TRIM65: variants seen among roughly 807,000 people sequenced by gnomAD.
The protein encoded by TRIM65 is tripartite motif containing 65.
Under a neutral mutation model 36.1 loss-of-function variants are expected in TRIM65, and 46 were observed. That is an observed-to-expected ratio of 1.27 (90% CI 1.01 to 1.63). TRIM65 has a LOEUF of 1.63. Ranked by LOEUF, TRIM65 falls within the 40% of genes most tolerant of loss-of-function variation. TRIM65 has a pLI of 0.00. For synonymous variants in TRIM65, 346 were observed against 313.6 expected (o/e 1.10, Z -1.09); for missense variants, 708 against 696.6 (o/e 1.02, Z -0.18).
In TRIM65 at chr17:75,889,889, C is replaced by T. The variant is rs963101228; in HGVS notation, c.*890G>A. ...AATCCCATGAGCCCATGACCGCACCCCTGCACACCAGCCTGGGTGACAGAT... is the reference window on the plus strand; with the variant it reads ...AATCCCATGAGCCCATGACCGCACCTCTGCACACCAGCCTGGGTGACAGAT... On this transcript the variant is annotated 3_prime_UTR_variant, in exon 6 of 6. Coordinates refer to ENST00000269383, the MANE Select transcript of TRIM65 (RefSeq NM_173547.4). The T allele has an allele frequency of 2.0e-5, 3 of 152,004 alleles. No homozygotes were observed. The highest frequency in any genetic ancestry group is 4.4e-5 in the Non-Finnish European group (3 of 68,002). The allele number at this position is 152,004 out of a possible 1,614,324, so 9.4% of individuals were successfully genotyped here.
At position 75,890,725 on chromosome 17, in the gene TRIM65, C is replaced by A. The variant is rs1215589492; in HGVS notation, c.*54G>T. ...GTCCCCAAGCTGAAGCTGGGCAGCT[C>A]TTGGGCACATAGGCATGGTGGCAGC... On this transcript the variant is annotated 3_prime_UTR_variant, in exon 6 of 6. Transcript: ENST00000269383. 1.4e-6 allele frequency: 2 copies of A among 1,404,358 alleles called. No individual in the cohort carries two copies. Among genetic ancestry groups the A allele is most frequent in the Non-Finnish European group, 1.9e-6 (2 of 1,071,056 alleles). 87.0% of individuals were successfully genotyped at this position (1,404,358 alleles called of 1,614,324 possible).
In TRIM65 at chr17:75,890,918, T is replaced by A; in HGVS notation, c.1415A>T (p.Gln472Leu). 6.4e-7 allele frequency: 1 copy of A among 1,550,628 alleles called. No homozygotes were observed. Among genetic ancestry groups the A allele is most frequent in the South Asian group, 1.2e-5 (1 of 84,218 alleles). ...LTFYSLEPQTQPLYTFHALFN... is the reference protein window; with the variant it reads ...LTFYSLEPQTLPLYTFHALFN... ...GAGGGCATGGAAGGTGTACAGGGGC[T>A]GGGTCTGGGGCTCCAGGCTGTAGAA... The change falls in exon 6 of 6, where the codon CAG becomes CTG. Residue 472 changes from glutamine (Q) to leucine (L), a missense_variant. Coordinates refer to ENST00000269383, the MANE Select transcript of TRIM65 (RefSeq NM_173547.4).
chr17:75,888,233 A>C (rs2065224872), downstream of TRIM65, among the ~76,000 whole-genome samples: 1 of 149,786 alleles, frequency 6.7e-6, no homozygotes, highest in Admixed American at 6.6e-5. Flanking sequence ...TGCGCTTATA[A>C]TCCCAGCTAC....
Position 75,891,117 on chromosome 17 carries a change from G to A in TRIM65, c.1216C>T (p.Arg406Trp), listed in dbSNP as rs768060506. 1.4e-5 allele frequency: 23 copies of A among 1,608,956 alleles called. No individual in the cohort carries two copies. The highest frequency in any genetic ancestry group is 5.3e-5 in the African/African-American group (4 of 74,928). Reference sequence around the variant, plus strand: ...TCTGTGTGGGGCCCCAGCCTGCACCGTGGCAGTTGCGGGTAGGAGACGCCC... The same window carrying A: ...TCTGTGTGGGGCCCCAGCCTGCACCATGGCAGTTGCGGGTAGGAGACGCCC... ...TLGVSYPQLP[R>W]CRLGPHTDNI... is the part of the protein sequence containing the mutation. The change falls in exon 6 of 6, where the codon CGG becomes TGG. Residue 406 changes from arginine (R) to tryptophan (W), a missense_variant. Arg to Trp is a moderately radical substitution (Grantham distance 101). Transcript: ENST00000269383.
At chr17:75,883,674 C>T (rs894391689) in intron 4 of TRIM65, among the ~76,000 whole-genome samples, 31 of 151,436 alleles carry the variant, frequency 2.0e-4, no homozygotes, top group Non-Finnish European at 2.8e-4. Context: ...ACTACAGGTG[C>T]CTGCCACCAC....
Position 75,891,077 on chromosome 17 carries a change from C to T in TRIM65, c.1256G>A (p.Gly419Glu), listed in dbSNP as rs2065258168. The T allele has an allele frequency of 1.2e-6, 2 of 1,611,468 alleles. No homozygotes were observed. The highest frequency in any genetic ancestry group is 3.3e-5 in the Admixed American group (2 of 59,992). ...LGPHTDNIGR[G>E]PCSWGLCVQE... is the part of the protein sequence containing the mutation. ...GACGCAGAGCCCCCAGGAGCAGGGT[C>T]CCCGGCCAATGTTGTCTGTGTGGGG... is the stretch of plus-strand genomic sequence containing the variant. The change falls in exon 6 of 6, where the codon GGA becomes GAA. Residue 419 changes from glycine (G) to glutamate (E), a missense_variant. Transcript: ENST00000269383.
rs748168959 is a variant in TRIM65, at chr17:75,892,335, C to T, written c.676G>A (p.Ala226Thr). The change falls in exon 3 of 6, where the codon GCT becomes ACT. Residue 226 changes from alanine (A) to threonine (T), a missense_variant. Coordinates refer to ENST00000269383, the MANE Select transcript of TRIM65 (RefSeq NM_173547.4). ...EEQRLRVHLEAVARHGCRIRE... is the reference protein window; with the variant it reads ...EEQRLRVHLETVARHGCRIRE... The stretch of plus-strand genomic sequence containing the variant: ...ATCCTGCAGCCATGGCGAGCCACAG[C>T]CTCCAAATGGACCCGCAGCCGCTGC... 1.2e-6 allele frequency: 2 copies of T among 1,613,054 alleles called. No individual in the cohort carries two copies. Among genetic ancestry groups the T allele is most frequent in the African/African-American group, 1.3e-5 (1 of 75,066 alleles).
At chr17:75,892,220 G>C (rs1599458650) in intron 3 of TRIM65, 35 bp from the exon 4 acceptor site, 16 of 1,587,642 alleles carry the variant, frequency 1.0e-5, no homozygotes, top group Admixed American at 1.8e-5. Flanking sequence ...GCCTGGGCCT[G>C]AGGGGCAGGG....
downstream of TRIM65, among the ~76,000 whole-genome samples, chr17:75,887,032 C>A (rs1418874398): frequency 6.6e-6 from 1 of 151,584 alleles, no homozygotes; most frequent in Non-Finnish European, 1.5e-5. Flanking sequence ...TGGTATGCGA[C>A]TGTAGTTCCA....
chr17:75,891,296 AG>A lies in TRIM65; in HGVS notation c.1036del (p.Leu346CysfsTer8), dbSNP rs2144055714. 1 of 1,613,268 alleles carries A rather than the reference AG, an allele frequency of 6.2e-7. No individual in the cohort carries two copies. The highest frequency in any genetic ancestry group is 1.3e-5 in the African/African-American group (1 of 75,064). On this transcript the variant is annotated frameshift_variant, in exon 6 of 6. Transcript: ENST00000269383. LOFTEE classifies it low-confidence loss of function (END_TRUNC). ...CTTCACCTGCTGGTCCTGGCGCGAC[AG>A]ATAGAAGTGACGGTTGGCGCTGACT... Reference protein sequence around the residue: ...DPVSANRHFYLSRQDQQVKHC... With the variant: ...DPVSANRHFYXSRQDQQVKHC...
chr17:75,891,740 TGCTCACAGCACACACAG>T, intron 5 of TRIM65, 56 bp downstream of exon 5: 1 of 1,007,270 alleles, frequency 9.9e-7, no homozygotes, highest in Non-Finnish European at 1.3e-6. Flanking sequence ...CACACACACG[TGCTCACAGCACACACAG>T]GCACTTCCTT....
Position 75,881,690 on chromosome 17 carries a change from G to A in TRIM65, c.350-1061C>T, listed in dbSNP as rs1406451387. 5.3e-5 allele frequency among the ~76,000 whole-genome samples: 8 copies of A among 150,680 alleles called. 3 individuals carry two copies. Among genetic ancestry groups the A allele is most frequent in the African/African-American group, 2.0e-4 (8 of 39,988 alleles). On this transcript the variant is annotated intron_variant, in intron 4 of 4. Transcript: ENST00000591668. The stretch of plus-strand genomic sequence containing the variant: ...CACATTCAGACTGTTGCAACTCCAA[G>A]TGCCAAAAGAGCGGTGCAATCTGCT...
At chr17:75,896,169 C>A (rs960720522) in intron 1 of TRIM65, among the ~76,000 whole-genome samples, 2 of 152,352 alleles carry the variant, frequency 1.3e-5, no homozygotes, top group African/African-American at 4.8e-5. Context: ...CATTCTCCTG[C>A]CTCAGCCTCC....
chr17:75,882,995 AAAAC>A (rs1384096316), intron 4 of TRIM65, among the ~76,000 whole-genome samples: 1 of 148,056 alleles, frequency 6.8e-6, no homozygotes, highest in Non-Finnish European at 1.5e-5. Context: ...AAAAAAAACA[AAAAC>A]AAAAAGCAAT....
chr17:75,896,457 G>A (rs1037488900), intron 1 of TRIM65, 67 bp downstream of exon 1: 38 of 1,280,940 alleles, frequency 3.0e-5, no homozygotes, highest in Non-Finnish European at 3.7e-5. Flanking sequence ...GCGGCCCGCA[G>A]GAGTCACCCG....
chr17:75,891,973 ACCC>A (rs2065274363), intron 4 of TRIM65, 35 bp downstream of exon 4: 24 of 1,555,418 alleles, frequency 1.5e-5, no homozygotes, highest in Non-Finnish European at 2.1e-5. Flanking sequence ...GGGCAGCTGG[ACCC>A]AGGACAGCAG....
intron 4 of TRIM65, among the ~76,000 whole-genome samples, chr17:75,881,492 G>A (rs1440853275): frequency 6.6e-6 from 1 of 150,486 alleles, no homozygotes; most frequent in Non-Finnish European, 1.5e-5. Flanking sequence ...GTTGTAGATG[G>A]CTGCCTTCCC....
rs61754864 is a variant in TRIM65 at position 75,891,008 on chromosome 17, C to A, written c.1325G>T (p.Arg442Leu). ...GAGCCGCCCTGACACCCCTGGGAGG[C>A]GCTGGGCTTCCCCGTTGTGCCAGGC... is the stretch of plus-strand genomic sequence containing the variant. ...LQAWHNGEAQ[R>L]LPGVSGRLLG... Residue 442 changes from arginine to leucine, a missense_variant, in exon 6 of 6, where the codon CGC (arginine) becomes CTC (leucine). Coordinates refer to ENST00000269383, the MANE Select transcript of TRIM65 (RefSeq NM_173547.4). 15 of 1,597,930 alleles carry A rather than the reference C, an allele frequency of 9.4e-6. No homozygotes were observed. The highest frequency in any genetic ancestry group is 1.1e-5 in the Non-Finnish European group (13 of 1,172,926).
At position 75,890,774 on chromosome 17, in the gene TRIM65, C is replaced by G. The variant is rs1403735639; in HGVS notation, c.*5G>C. ...GCTATGCCAGGGCTCCATCCCATGC[C>G]TTCTTCAGCTGAGCACCTCTTCCTG... On this transcript the variant is annotated 3_prime_UTR_variant, in exon 6 of 6. Coordinates refer to ENST00000269383, the MANE Select transcript of TRIM65 (RefSeq NM_173547.4). 2.1e-6 allele frequency: 3 copies of G among 1,462,964 alleles called. No homozygotes were observed. The highest frequency in any genetic ancestry group is 2.7e-6 in the Non-Finnish European group (3 of 1,108,114). 90.6% of individuals were successfully genotyped at this position (1,462,964 alleles called of 1,614,324 possible).
Sources: allele counts gnomAD v4.1 joint callset (sites outside exome capture counted in the v4.1 genomes callset), GRCh38; gene constraint gnomAD v4.1.1; transcripts MANE v1.5; gene names NCBI Gene and HGNC (gene_info 2026-07-23, HGNC 2026-07-21).